PLEKHA5: variants seen among roughly 807,000 people sequenced by gnomAD.
PLEKHA5 encodes pleckstrin homology domain-containing family A member 5.
A neutral mutation model predicts 181.9 loss-of-function variants in PLEKHA5; 55 were observed. That is an observed-to-expected ratio of 0.30 (90% CI 0.24 to 0.38). PLEKHA5 has a LOEUF of 0.38. Among genes scored for constraint, PLEKHA5 ranks in the 10% least tolerant of loss-of-function variants. The pLI is 1.00. For synonymous variants in PLEKHA5, 535 were observed against 529.4 expected, an observed-to-expected ratio of 1.01 and a Z score of -0.15; for missense variants, 1,432 against 1,549.5, an observed-to-expected ratio of 0.92 and a Z score of 1.27.
chr12:19,262,289 A>C (rs1192366721), intron 7 of PLEKHA5, among the ~76,000 whole-genome samples: 1 of 152,182 alleles, frequency 6.6e-6, no homozygotes, highest in Admixed American at 6.5e-5. Context: ...GCTGGAGTGC[A>C]GTGGTGCAAT....
Position 19,283,596 on chromosome 12 carries a change from A to T in PLEKHA5, c.1630A>T (p.Met544Leu), listed in dbSNP as rs1021525119. The T allele has an allele frequency of 6.2e-7, 1 of 1,614,116 alleles. No homozygotes were observed. The highest frequency in any genetic ancestry group is 8.5e-7 in the Non-Finnish European group (1 of 1,180,000). ...KTMVNISDQT[M>L]HSIPTSPSHG... is the part of the protein sequence containing the mutation. ...CATGGTAAATATTTCTGACCAGACA[A>T]TGCACTCTATTCCCACATCACCTTC... The change falls in exon 12 of 32, where the codon ATG (methionine) becomes TTG (leucine). Residue 544 changes from methionine (M) to leucine (L), a missense_variant. This residue lies in a region of PLEKHA5 where 1,143 missense variants were observed against 1,168.4 expected (regional missense o/e 0.98). Coordinates refer to ENST00000429027, the MANE Select transcript of PLEKHA5 (RefSeq NM_001256470.2).
At chr12:19,371,207 A>T (rs558147569) in intron 31 of PLEKHA5, 1 of 152,098 alleles carries the variant, frequency 6.6e-6, no homozygotes, top group African/African-American at 2.4e-5. Context: ...AGTTTTCACC[A>T]TGTTGCCCAG....
chr12:19,316,937 A>G lies in PLEKHA5; in HGVS notation c.2118+2043A>G, dbSNP rs149227920. On this transcript the variant is annotated intron_variant, in intron 16 of 31. Coordinates refer to ENST00000429027, the MANE Select transcript of PLEKHA5 (RefSeq NM_001256470.2). ...ATTTAGCTAGAAATACAATGGCAAA[A>G]TGTTTTATAACCTATTTTATTCTGA... is the stretch of plus-strand genomic sequence containing the variant. Among the ~76,000 whole-genome samples the G allele has an allele frequency of 2.3e-4, 35 of 152,292 alleles. No individual in the cohort carries two copies. In the East Asian group the frequency reaches 5.6e-3, roughly 24 times the overall value.
chr12:19,209,808 G>A (rs184340684), intron 3 of PLEKHA5, among the ~76,000 whole-genome samples: 207 of 152,264 alleles, frequency 1.4e-3, no homozygotes, highest in African/African-American at 4.8e-3. Context: ...CTTTCTCAAG[G>A]GCCAAGGAAC....
intron 15 of PLEKHA5, among the ~76,000 whole-genome samples, chr12:19,309,787 C>T (rs544879824): frequency 1.6e-4 from 24 of 152,094 alleles, no homozygotes; most frequent in East Asian, 1.4e-3. Flanking sequence ...AAAACCGATA[C>T]ATTTGTGTTA....
At chr12:19,187,621 C>T (rs911526935) in intron 3 of PLEKHA5, among the ~76,000 whole-genome samples, 1 of 152,142 alleles carries the variant, frequency 6.6e-6, no homozygotes, top group Admixed American at 6.5e-5. Context: ...TTTGCCATTT[C>T]TGCAATATCC....
chr12:19,298,735 T>TA (rs891687915), intron 15 of PLEKHA5, among the ~76,000 whole-genome samples: 15 of 151,974 alleles, frequency 9.9e-5, no homozygotes, highest in East Asian at 3.9e-4. Context: ...TAAAATAATT[T>TA]AAAAAAAATG....
At chr12:19,261,373 A>G (rs1355665874) in intron 7 of PLEKHA5, among the ~76,000 whole-genome samples, 2 of 152,188 alleles carry the variant, frequency 1.3e-5, no homozygotes, top group Non-Finnish European at 2.9e-5. Context: ...CAAGCACCCA[A>G]TTCTGCTCCC....
At chr12:19,163,922 A>C (rs2043611284) in intron 3 of PLEKHA5, among the ~76,000 whole-genome samples, 1 of 152,110 alleles carries the variant, frequency 6.6e-6, no homozygotes, top group Non-Finnish European at 1.5e-5. Context: ...CTAGCAACCA[A>C]ACTCAGAATT....
intron 20 of PLEKHA5, among the ~76,000 whole-genome samples, chr12:19,335,035 T>TG (rs1320063109): frequency 7.1e-6 from 1 of 140,590 alleles, no homozygotes; most frequent in Admixed American, 7.3e-5. Context: ...TTTTTGTTTT[T>TG]TTTTTTTTCT....
intron 15 of PLEKHA5, among the ~76,000 whole-genome samples, chr12:19,303,059 C>A (rs1204675285): frequency 6.6e-6 from 1 of 150,826 alleles, no homozygotes; most frequent in Admixed American, 6.6e-5. Context: ...GTGAGTGAGA[C>A]TACAGGCGCA....
chr12:19,208,279 G>A (rs1056843740), intron 3 of PLEKHA5, among the ~76,000 whole-genome samples: 2 of 152,018 alleles, frequency 1.3e-5, no homozygotes, highest in African/African-American at 4.8e-5. Context: ...ATGGTGGAAG[G>A]CGCCTATAAT....
At chr12:19,300,607 G>A (rs761326353) in intron 15 of PLEKHA5, among the ~76,000 whole-genome samples, 27 of 152,148 alleles carry the variant, frequency 1.8e-4, no homozygotes, top group Admixed American at 5.9e-4. Flanking sequence ...TGATGCTAAT[G>A]CCCACAATGT....
At chr12:19,170,100 G>A (rs1306661166) in intron 3 of PLEKHA5, among the ~76,000 whole-genome samples, 1 of 152,160 alleles carries the variant, frequency 6.6e-6, no homozygotes, top group East Asian at 1.9e-4. Flanking sequence ...TTAGGAAGCA[G>A]CCTACATATA....
chr12:19,258,685 T>C lies in PLEKHA5; in HGVS notation c.537+1148T>C, dbSNP rs185223854. Among the ~76,000 whole-genome samples, 339 of 151,344 alleles carry C rather than the reference T, an allele frequency of 2.2e-3. 2 individuals are homozygous for C. The highest frequency in any genetic ancestry group is 7.9e-3 in the African/African-American group (328 of 41,332). On this transcript the variant is annotated intron_variant, in intron 6 of 31. Coordinates refer to ENST00000429027, the MANE Select transcript of PLEKHA5 (RefSeq NM_001256470.2). The stretch of plus-strand genomic sequence containing the variant: ...GCTCAAGCAATTCTCCTGCCTCAGC[T>C]TCACGAGTAGCTGGGATTACTGGCA...
At chr12:19,184,754 A>G (rs1047580338) in intron 3 of PLEKHA5, among the ~76,000 whole-genome samples, 3 of 152,196 alleles carry the variant, frequency 2.0e-5, no homozygotes, top group African/African-American at 7.2e-5. Flanking sequence ...AAATGCGGGA[A>G]TGGAATTTTT....
At chr12:19,175,549 C>G (rs1204266140) in intron 3 of PLEKHA5, among the ~76,000 whole-genome samples, 1 of 152,064 alleles carries the variant, frequency 6.6e-6, no homozygotes, top group Non-Finnish European at 1.5e-5. Context: ...TGGTAGGACA[C>G]AAAAGAAAAT....
chr12:19,329,151 A>G (rs368431099), intron 20 of PLEKHA5, among the ~76,000 whole-genome samples: 3 of 152,156 alleles, frequency 2.0e-5, no homozygotes, highest in Non-Finnish European at 2.9e-5. Context: ...TGTGATTTGT[A>G]TATGTTGAAC....
At chr12:19,193,648 G>A (rs899870580) in intron 3 of PLEKHA5, among the ~76,000 whole-genome samples, 4 of 152,066 alleles carry the variant, frequency 2.6e-5, no homozygotes, top group South Asian at 2.1e-4. Flanking sequence ...TCGTACCTAC[G>A]AAGCAACCTC....
Sources: gnomAD v4.1 joint callset for allele counts (sites outside exome capture counted in the v4.1 genomes callset) on GRCh38, gnomAD v4.1.1 for gene constraint, gnomAD v4.1.1 regional missense constraint, MANE v1.5 for transcripts, NCBI Gene and HGNC (gene_info 2026-07-23, HGNC 2026-07-21) for gene names.